NOX1: variants seen among roughly 807,000 people sequenced by gnomAD.
NOX1 encodes the protein NADH/NADPH mitogenic oxidase subunit P65-MOX.
In NOX1, 34 loss-of-function variants were observed where a neutral mutation model predicts 42.5. That is an observed-to-expected ratio of 0.80 (90% CI 0.61 to 1.07). The LOEUF is 1.07. Among genes scored for constraint, NOX1 ranks in the 50% least tolerant of loss-of-function variants. The pLI is 0.00. For missense variants in NOX1, 408 were observed against 427.0 expected (o/e 0.96, Z 0.39); for synonymous variants, 143 against 152.5 (o/e 0.94, Z 0.46).
At chrX:100,865,358 G>T (rs760225634) in intron 2 of NOX1, among the ~76,000 whole-genome samples, 1 of 112,788 alleles carries the variant, frequency 8.9e-6, no homozygotes, top group East Asian at 2.8e-4. Flanking sequence ...TTCTGTGGTG[G>T]CTATCTGTAT....
intron 2 of NOX1, among the ~76,000 whole-genome samples, chrX:100,869,202 G>T (rs1415682660): frequency 3.6e-5 from 4 of 110,950 alleles, no homozygotes; most frequent in African/African-American, 6.6e-5. Context: ...GTGAAGAAAG[G>T]CATTGGTAGC....
intron 12 of NOX1, among the ~76,000 whole-genome samples, chrX:100,845,762 C>T (rs1345643655): frequency 9.8e-6 from 1 of 102,537 alleles, no homozygotes; most frequent in Non-Finnish European, 2.0e-5. Flanking sequence ...ATTACAGGTG[C>T]CCGCCACCAT....
chrX:100,849,956 C>T (rs368118380), intron 9 of NOX1, 22 bp from the exon 10 acceptor site: 19 of 1,174,164 alleles, frequency 1.6e-5, no homozygotes, highest in Non-Finnish European at 2.1e-5. Context: ...CAGAAGATAA[C>T]GGGCAACTGA....
At chrX:100,864,148 C>A (rs1407364889) in intron 2 of NOX1, among the ~76,000 whole-genome samples, 1 of 111,215 alleles carries the variant, frequency 9.0e-6, no homozygotes. Context: ...CACCACCATA[C>A]CCAGCCAATT....
rs142002189 is a variant in NOX1 at position 100,862,200 on chromosome X, G to T, written c.775C>A (p.Arg259Ser). Residue 259 changes from arginine to serine, a missense_variant, in exon 7 of 13, where the codon CGC becomes AGC. Transcript: ENST00000372966. ...GGGGGATGCCCTTCAAACTTAGGGC[G>T]CCTACAGTGGGAGTCACGATCATCC... ...MWDDRDSHCR[R>S]PKFEGHPPES... 22 of 1,209,851 alleles carry T rather than the reference G, an allele frequency of 1.8e-5. No homozygotes were observed. The African/African-American group carries it at 3.1e-4, about 17-fold the overall frequency.
intron 7 of NOX1, among the ~76,000 whole-genome samples, chrX:100,854,263 C>A (rs889024274): frequency 8.9e-6 from 1 of 111,786 alleles, no homozygotes; most frequent in African/African-American, 3.2e-5. Flanking sequence ...TTTGTATTTT[C>A]CAAACTTTCT....
chrX:100,863,519 C>T lies in NOX1; in HGVS notation c.218G>A (p.Arg73His), dbSNP rs373860304. 18 of 1,208,329 alleles carry T rather than the reference C, an allele frequency of 1.5e-5. No homozygotes were observed. Among genetic ancestry groups the T allele is most frequent in the South Asian group, 3.5e-5 (2 of 56,634 alleles). The change falls in exon 3 of 13, where the codon CGC (arginine) becomes CAC (histidine). Residue 73 changes from arginine (R) to histidine (H), a missense_variant. Coordinates refer to ENST00000372966, the MANE Select transcript of NOX1 (RefSeq NM_007052.5). The stretch of plus-strand genomic sequence containing the variant: ...GCCCCTCAGGAAGGACAGCAGATTG[C>T]GACACACAGGAAGCAGGATCAGCGT... ...NSTLILLPVC[R>H]NLLSFLRGTC...
intron 7 of NOX1, among the ~76,000 whole-genome samples, chrX:100,857,909 T>C (rs1338784149): frequency 8.9e-6 from 1 of 111,768 alleles, no homozygotes; most frequent in Non-Finnish European, 1.9e-5. Context: ...GTGCAGAAGC[T>C]CTTTAGTTTA....
chrX:100,856,530 G>T (rs1007070538), intron 7 of NOX1, among the ~76,000 whole-genome samples: 11 of 111,589 alleles, frequency 9.9e-5, no homozygotes, highest in African/African-American at 3.6e-4. Context: ...TCTGACTTTA[G>T]AAATGAAATG....
rs763474840 is a variant in NOX1, at chrX:100,870,707, C to T, written c.141+12G>A. 2.0e-5 allele frequency: 21 copies of T among 1,038,538 alleles called. No homozygotes were observed. In the Middle Eastern group the frequency reaches 1.2e-3, roughly 62 times the overall value. 85.6% of individuals were successfully genotyped at this position (1,038,538 alleles called of 1,213,427 possible). Reference sequence around the variant, plus strand: ...CAATAGAGATTCTATCCGTGACAACCGTGATACTCACCCCAAGGATTTTTC... The same window carrying T: ...CAATAGAGATTCTATCCGTGACAACTGTGATACTCACCCCAAGGATTTTTC... On this transcript the variant is annotated intron_variant, in intron 2 of 12. Coordinates refer to ENST00000372966, the MANE Select transcript of NOX1 (RefSeq NM_007052.5).
chrX:100,849,144 A>T, intron 11 of NOX1, 136 bp downstream of exon 11: 1 of 637,820 alleles, frequency 1.6e-6, no homozygotes, highest in Non-Finnish European at 2.3e-6. Context: ...TCTTCTTTCC[A>T]CCACTTTTAA....
rs181715001 is a variant in NOX1, at chrX:100,853,265, T to C, written c.805-1940A>G. 7.6e-3 allele frequency among the ~76,000 whole-genome samples: 225 copies of C among 29,674 alleles called. 3 individuals carry two copies. Among genetic ancestry groups the C allele is most frequent in the Middle Eastern group, 0.051 (2 of 39 alleles). The allele number at this position is 29,674 out of a possible 115,157, so 25.8% of individuals were successfully genotyped here. On this transcript the variant is annotated intron_variant, in intron 7 of 12. Transcript: ENST00000372966. ...TCTTTCCTTCCTTCCTTCCTTCCTT[T>C]CTTTCTTTCTTTCTTTCTTTCTTTC...
chrX:100,870,053 A>T (rs1160278115), intron 2 of NOX1, among the ~76,000 whole-genome samples: 1 of 78,102 alleles, frequency 1.3e-5, no homozygotes, highest in Non-Finnish European at 2.5e-5. Flanking sequence ...GTGCTGCTGG[A>T]TTCGGTTTGC....
At chrX:100,848,814 G>A in intron 11 of NOX1, 60 bp from the exon 12 acceptor site, 9 of 1,145,617 alleles carry the variant, frequency 7.9e-6, no homozygotes, top group East Asian at 3.2e-5. Flanking sequence ...CGTGGCTCAC[G>A]CCTGTAATCC....
intron 2 of NOX1, among the ~76,000 whole-genome samples, chrX:100,868,974 T>C (rs979791919): frequency 9.0e-6 from 1 of 111,005 alleles, no homozygotes; most frequent in Non-Finnish European, 1.9e-5. Context: ...TAGTTGTAGA[T>C]ATGCGGCATT....
intron 1 of NOX1, among the ~76,000 whole-genome samples, chrX:100,872,581 G>A (rs188191509): frequency 9.0e-6 from 1 of 111,387 alleles, no homozygotes; most frequent in East Asian, 2.8e-4. Flanking sequence ...TTTGGTGGGG[G>A]ATGAAAATTC....
rs771265181 is a variant in NOX1 at position 100,850,176 on chromosome X, C to T, written c.1108G>A (p.Glu370Lys). ...DWTENLIRAFEQQYSPIPRIE... is the reference protein window; with the variant it reads ...DWTENLIRAFKQQYSPIPRIE... ...CTGGGAATTGGTGAATATTGTTGTT[C>T]GAAAGCCCTTATGAGATTTTCTGTC... The change falls in exon 9 of 13, where the codon GAA (glutamate) becomes AAA (lysine). Residue 370 changes from glutamate (E) to lysine (K), a missense_variant. Physicochemically the swap from Glu to Lys is moderately conservative, Grantham distance 56. Coordinates refer to ENST00000372966, the MANE Select transcript of NOX1 (RefSeq NM_007052.5). The T allele has an allele frequency of 4.1e-6, 5 of 1,210,072 alleles. No homozygotes were observed. Among genetic ancestry groups the T allele is most frequent in the Non-Finnish European group, 5.6e-6 (5 of 894,246 alleles).
At chrX:100,856,155 G>A in intron 7 of NOX1, 1 of 920,436 alleles carries the variant, frequency 1.1e-6, no homozygotes, top group East Asian at 3.1e-5. Flanking sequence ...ACCTTGTGTG[G>A]CCTTGCGTTC....
In NOX1 at chrX:100,843,560, G is replaced by T; in HGVS notation, c.*392C>A. On this transcript the variant is annotated 3_prime_UTR_variant, in exon 13 of 13. Transcript: ENST00000372966. ...CCCTACTTAGAAATCTTCTGTGGGG[G>T]TGGGAGGGACAAAAGATTACAAACC... is the stretch of plus-strand genomic sequence containing the variant. 1.2e-6 allele frequency: 1 copy of T among 865,151 alleles called. No homozygotes were observed. The highest frequency in any genetic ancestry group is 1.5e-6 in the Non-Finnish European group (1 of 654,177). 71.3% of individuals were successfully genotyped at this position (865,151 alleles called of 1,213,427 possible). A position where few individuals can be genotyped will look rare whatever the true frequency, so the allele number is the denominator to read the frequency against.
Sources: gnomAD v4.1 joint callset for allele counts (sites outside exome capture counted in the v4.1 genomes callset) on GRCh38, gnomAD v4.1.1 for gene constraint, MANE v1.5 for transcripts, NCBI Gene and HGNC (gene_info 2026-07-23, HGNC 2026-07-21) for gene names.